GPATCH11: variants seen among roughly 807,000 people sequenced by gnomAD.
The protein encoded by GPATCH11 is G-patch domain containing 11, also known as G patch domain-containing protein 11.
A neutral mutation model predicts 44.8 loss-of-function variants in GPATCH11; 32 were observed. That is an observed-to-expected ratio of 0.71 (90% confidence interval 0.54 to 0.96). The LOEUF is 0.96. Ranked by LOEUF, GPATCH11 falls within the 40% of genes least tolerant of loss-of-function variation. The probability of loss-of-function intolerance (pLI) is 0.00; values close to 1 mark genes in which losing one functional copy is unlikely to be tolerated. For missense variants in GPATCH11, 324 were observed against 303.1 expected (o/e 1.07, Z -0.51); for synonymous variants, 84 against 94.4 (o/e 0.89, Z 0.64).
intron 2 of GPATCH11, 62 bp downstream of exon 2, chr2:37,088,502 ATTGAT>A: frequency 1.2e-6 from 1 of 822,580 alleles, no homozygotes. Flanking sequence ...AAGAAATGAC[ATTGAT>A]TTTATTTTAT....
chr2:37,089,833 G>A lies in GPATCH11; in HGVS notation c.253G>A (p.Gly85Ser). 1 of 1,551,670 alleles carries A rather than the reference G, an allele frequency of 6.4e-7. No individual in the cohort carries two copies. The highest frequency in any genetic ancestry group is 8.7e-7 in the Non-Finnish European group (1 of 1,146,994). The change falls in exon 3 of 9, where the codon GGC becomes AGC. Residue 85 changes from glycine to serine, a missense_variant. By Grantham distance (56) the Gly-to-Ser change is moderately conservative. Transcript: ENST00000674370. ...NKGFALLQKM[G>S]YKSGQALGKS... ...AGGGTTTGCCTTGCTCCAAAAGATG[G>A]GCTATAAAAGTGGTCAGGCACTTGG...
In GPATCH11 at chr2:37,095,525, AAATTACTTT is replaced by A; in HGVS notation, c.736+9_736+17del. 2.5e-6 allele frequency: 4 copies of A among 1,578,186 alleles called. No homozygotes were observed. Among genetic ancestry groups the A allele is most frequent in the Non-Finnish European group, 3.4e-6 (4 of 1,167,646 alleles). ...TGTGGAACAGCCTATGAAGGTAAGA[AAATTACTTT>A]ATGCTTTTTAAAAATAGATGAATGC... On this transcript the variant is annotated splice_region_variant and intron_variant, in intron 8 of 8. Coordinates refer to ENST00000674370, the MANE Select transcript of GPATCH11 (RefSeq NM_174931.4).
At position 37,089,717 on chromosome 2, in the gene GPATCH11, C is replaced by T. The variant is rs910927297; in HGVS notation, c.137C>T (p.Ala46Val). The T allele has an allele frequency of 6.4e-7, 1 of 1,551,676 alleles. No homozygotes were observed. Among genetic ancestry groups the T allele is most frequent in the Admixed American group, 2.0e-5 (1 of 50,982 alleles). The change falls in exon 3 of 9, where the codon GCC becomes GTC. Residue 46 changes from alanine to valine, a missense_variant. Transcript: ENST00000674370. ...ARRKEEKQQE[A>V]NLKNRQKSLK... is the part of the protein sequence containing the mutation. ...CGAAAAGAAGAAAAGCAACAGGAAG[C>T]CAATTTGAAAAACAGGCAGAAGAGT...
intron 3 of GPATCH11, among the ~76,000 whole-genome samples, chr2:37,090,388 C>T (rs1290960763): frequency 6.6e-6 from 1 of 152,184 alleles, no homozygotes; most frequent in African/African-American, 2.4e-5. Context: ...AATTGCTTTG[C>T]TTTCACTTAA....
chr2:37,091,051 G>C (rs573240752), intron 4 of GPATCH11, among the ~76,000 whole-genome samples: 19 of 152,220 alleles, frequency 1.2e-4, no homozygotes, highest in African/African-American at 4.6e-4. Context: ...TTGGCCGGGC[G>C]TGGTGGCTCA....
Position 37,096,949 on chromosome 2 carries a change from G to A in GPATCH11, c.*686G>A, listed in dbSNP as rs1015039207. 1 of 27,350 alleles carries A rather than the reference G, an allele frequency of 3.7e-5. No homozygotes were observed. The highest frequency in any genetic ancestry group is 1.4e-4 in the Non-Finnish European group (1 of 7,006). 1.7% of individuals were successfully genotyped at this position (27,350 alleles called of 1,614,324 possible). On this transcript the variant is annotated 3_prime_UTR_variant, in exon 9 of 9. Transcript: ENST00000674370. Reference sequence around the variant, plus strand: ...TCCAAGCATGAAGAGGAGGGGAAAAGTATTCCCCTCAATAAGGCTGATGTC... The same window carrying A: ...TCCAAGCATGAAGAGGAGGGGAAAAATATTCCCCTCAATAAGGCTGATGTC...
intron 5 of GPATCH11, 46 bp from the exon 6 acceptor site, chr2:37,092,119 T>G: frequency 2.6e-6 from 4 of 1,568,556 alleles, no homozygotes; most frequent in Non-Finnish European, 2.6e-6. Flanking sequence ...ATAAAATGGT[T>G]AAAGATAACG....
At chr2:37,093,014 C>CA (rs1383069843) in intron 6 of GPATCH11, among the ~76,000 whole-genome samples, 7 of 152,158 alleles carry the variant, frequency 4.6e-5, no homozygotes, top group Admixed American at 4.6e-4. Context: ...CATGTGGTGG[C>CA]ACACACCTGT....
At chr2:37,091,288 C>T (rs563534954) in intron 4 of GPATCH11, among the ~76,000 whole-genome samples, 93 of 151,352 alleles carry the variant, frequency 6.1e-4, no homozygotes, top group Middle Eastern at 3.4e-3. Flanking sequence ...TGCGCCATTG[C>T]ACTCCAGCCT....
rs1220964764 is a variant in GPATCH11, at chr2:37,099,205, C to T, written c.*2942C>T. On this transcript the variant is annotated 3_prime_UTR_variant, in exon 9 of 9. Transcript: ENST00000674370. ...AATTCAAAATAAATACTTTAACATA[C>T]CAAATTGGTTTTTCTAATAAACATT... 2 of 152,120 alleles carry T rather than the reference C, an allele frequency of 1.3e-5. No individual in the cohort carries two copies. Among genetic ancestry groups the T allele is most frequent in the Non-Finnish European group, 2.9e-5 (2 of 68,028 alleles). 9.4% of individuals were successfully genotyped at this position (152,120 alleles called of 1,614,324 possible).
rs1300057216 is a variant in GPATCH11 at position 37,084,579 on chromosome 2, G to A, written c.-14+9G>A. 2.2e-5 allele frequency: 27 copies of A among 1,232,232 alleles called. No homozygotes were observed. Among genetic ancestry groups the A allele is most frequent in the Non-Finnish European group, 2.7e-5 (27 of 988,094 alleles). 76.3% of individuals were successfully genotyped at this position (1,232,232 alleles called of 1,614,324 possible). A position where few individuals can be genotyped will look rare whatever the true frequency, so the allele number is the denominator to read the frequency against. ...GAGCAGAGAGCTGTCAGGTAAGAGA[G>A]CTGTCAGGTAAGGGTCTGGGGACAA... On this transcript the variant is annotated intron_variant, in intron 1 of 8. Transcript: ENST00000674370.
intron 4 of GPATCH11, among the ~76,000 whole-genome samples, chr2:37,091,631 A>G (rs143457994): frequency 8.2e-4 from 125 of 152,314 alleles, no homozygotes; most frequent in African/African-American, 2.8e-3. Flanking sequence ...AGAAAAAGAT[A>G]TATTTTATTC....
chr2:37,090,674 C>T lies in GPATCH11; in HGVS notation c.287-7C>T, dbSNP rs1673273335. 1 of 1,463,126 alleles carries T rather than the reference C, an allele frequency of 6.8e-7. No individual in the cohort carries two copies. Among genetic ancestry groups the T allele is most frequent in the South Asian group, 1.2e-5 (1 of 80,220 alleles). 90.6% of individuals were successfully genotyped at this position (1,463,126 alleles called of 1,614,324 possible). A position where few individuals can be genotyped will look rare whatever the true frequency, so the allele number is the denominator to read the frequency against. On this transcript the variant is annotated splice_region_variant and splice_polypyrimidine_tract_variant and intron_variant, in intron 3 of 8. Coordinates refer to ENST00000674370, the MANE Select transcript of GPATCH11 (RefSeq NM_174931.4). ...TTCTAAAATAGTTTGTATTCATTCT[C>T]TTTAAGGGGGTGGTATTGTTGAACC... is the stretch of plus-strand genomic sequence containing the variant.
rs923495143 is a variant in GPATCH11, at chr2:37,098,942, T to A, written c.*2679T>A. On this transcript the variant is annotated 3_prime_UTR_variant, in exon 9 of 9. Coordinates refer to ENST00000674370, the MANE Select transcript of GPATCH11 (RefSeq NM_174931.4). ...AGTAACAAGTTATTTTTAGGCCTTT[T>A]ATGACTTTATAAATAGGCAATAATG... The A allele has an allele frequency of 5.9e-5, 9 of 152,236 alleles. No individual in the cohort carries two copies. Among genetic ancestry groups the A allele is most frequent in the Non-Finnish European group, 8.8e-5 (6 of 68,052 alleles). 9.4% of individuals were successfully genotyped at this position (152,236 alleles called of 1,614,324 possible). A position where few individuals can be genotyped will look rare whatever the true frequency, so the allele number is the denominator to read the frequency against.
chr2:37,088,574 G>T, intron 2 of GPATCH11, 134 bp downstream of exon 2: 1 of 535,076 alleles, frequency 1.9e-6, no homozygotes, highest in Non-Finnish European at 3.4e-6. Context: ...GGAGTGCAGT[G>T]GCACAATCTT....
Position 37,095,495 on chromosome 2 carries a change from T to C in GPATCH11, c.713T>C (p.Ile238Thr). The C allele has an allele frequency of 6.2e-7, 1 of 1,605,412 alleles. No individual in the cohort carries two copies. Among genetic ancestry groups the C allele is most frequent in the Non-Finnish European group, 8.5e-7 (1 of 1,176,660 alleles). ...TTAAGAGAAGAACATCTATATTGTA[T>C]TTGGTGTGGAACAGCCTATGAAGGT... ...SYLREEHLYC[I>T]WCGTAYEDKE... Residue 238 changes from isoleucine to threonine, a missense_variant, in exon 8 of 9, where the codon ATT becomes ACT. Physicochemically the swap from Ile to Thr is moderately conservative, Grantham distance 89. Transcript: ENST00000674370.
intron 4 of GPATCH11, 109 bp downstream of exon 4, chr2:37,090,831 G>A: frequency 8.7e-6 from 5 of 577,250 alleles, no homozygotes; most frequent in Non-Finnish European, 1.5e-5. Flanking sequence ...TACTGTTACA[G>A]TTCAGTAAAA....
chr2:37,088,768 G>A (rs531009438), intron 2 of GPATCH11, among the ~76,000 whole-genome samples: 3 of 152,186 alleles, frequency 2.0e-5, no homozygotes, highest in East Asian at 1.9e-4. Context: ...GCGATCCTCC[G>A]GCTTTGGCCT....
At chr2:37,090,760 T>TAAC in intron 4 of GPATCH11, 38 bp downstream of exon 4, 1 of 1,028,376 alleles carries the variant, frequency 9.7e-7, no homozygotes. Flanking sequence ...CCAATAATAA[T>TAAC]AACTTACGCT....
Sources: allele counts gnomAD v4.1 joint callset (sites outside exome capture counted in the v4.1 genomes callset), GRCh38; gene constraint gnomAD v4.1.1; transcripts MANE v1.5; gene names NCBI Gene and HGNC (gene_info 2026-07-23, HGNC 2026-07-21).